MPPED2: variants seen among roughly 807,000 people sequenced by gnomAD.
MPPED2 encodes the protein metallophosphoesterase domain containing 2.
MPPED2 carries 5 observed loss-of-function variants against 33.0 expected under a neutral mutation model. That is an observed-to-expected ratio of 0.15 (90% CI 0.08 to 0.32). MPPED2 has a LOEUF of 0.32. Ranked by LOEUF, MPPED2 falls within the 10% of genes least tolerant of loss-of-function variation. The pLI, the probability that MPPED2 is intolerant of heterozygous loss-of-function variation, is 1.00. For synonymous variants in MPPED2, 136 were observed against 141.9 expected, an observed-to-expected ratio of 0.96 and a Z score of 0.29; for missense variants, 275 against 372.1, an observed-to-expected ratio of 0.74 and a Z score of 2.15.
chr11:30,456,789 T>C (rs955980923), intron 4 of MPPED2, among the ~76,000 whole-genome samples: 2 of 152,168 alleles, frequency 1.3e-5, no homozygotes, highest in Non-Finnish European at 2.9e-5. Context: ...AGTGCCATAA[T>C]GGTTTCATAT....
chr11:30,410,065 T>C, downstream of MPPED2: 1 of 975,304 alleles, frequency 1.0e-6, no homozygotes, highest in Non-Finnish European at 1.2e-6. Context: ...TCTGCCAGCC[T>C]GTGAATGGTG....
chr11:30,479,950 C>G (rs1951405663), intron 4 of MPPED2, among the ~76,000 whole-genome samples: 1 of 152,066 alleles, frequency 6.6e-6, no homozygotes, highest in African/African-American at 2.4e-5. Flanking sequence ...AATTATGTGG[C>G]AAGCTACAGG....
At chr11:30,453,850 G>C (rs1950167515) in intron 4 of MPPED2, among the ~76,000 whole-genome samples, 1 of 152,154 alleles carries the variant, frequency 6.6e-6, no homozygotes, top group African/African-American at 2.4e-5. Flanking sequence ...TCTGAGGCTG[G>C]CTTTGCCCTC....
chr11:30,522,861 C>T (rs1453699050), intron 3 of MPPED2, among the ~76,000 whole-genome samples: 1 of 152,172 alleles, frequency 6.6e-6, no homozygotes, highest in African/African-American at 2.4e-5. Flanking sequence ...CATTTCCTCC[C>T]CCTGCACATA....
intron 3 of MPPED2, among the ~76,000 whole-genome samples, chr11:30,533,328 A>G (rs1954633854): frequency 6.6e-6 from 1 of 152,162 alleles, no homozygotes; most frequent in Non-Finnish European, 1.5e-5. Context: ...TCAGAGACAG[A>G]ATAAAGGAGC....
At chr11:30,397,233 C>A (rs1430807212) in intron 6 of MPPED2, among the ~76,000 whole-genome samples, 2 of 152,128 alleles carry the variant, frequency 1.3e-5, no homozygotes, top group Non-Finnish European at 1.5e-5. Context: ...TTTCTACCTT[C>A]TTTTCCATTT....
intron 2 of MPPED2, among the ~76,000 whole-genome samples, chr11:30,538,978 A>G (rs1565165259): frequency 1.3e-5 from 2 of 152,192 alleles, no homozygotes; most frequent in Admixed American, 6.5e-5. Context: ...AGATGGTACA[A>G]CAAATATCAC....
At chr11:30,547,314 TA>T (rs1313531915) in intron 2 of MPPED2, among the ~76,000 whole-genome samples, 1 of 152,244 alleles carries the variant, frequency 6.6e-6, no homozygotes, top group Non-Finnish European at 1.5e-5. Flanking sequence ...AAACATTTAC[TA>T]AGCAATAACT....
intron 2 of MPPED2, among the ~76,000 whole-genome samples, chr11:30,553,557 AGCAT>A (rs1955824298): frequency 6.6e-6 from 1 of 152,226 alleles, no homozygotes; most frequent in South Asian, 2.1e-4. Context: ...AATACAAAAG[AGCAT>A]TTTTGCACTT....
At chr11:30,523,336 C>G (rs1318284701) in intron 3 of MPPED2, among the ~76,000 whole-genome samples, 1 of 152,032 alleles carries the variant, frequency 6.6e-6, no homozygotes, top group Non-Finnish European at 1.5e-5. Flanking sequence ...TGAAAGTGAT[C>G]TATGGAGTAC....
chr11:30,556,261 G>A (rs189720975), intron 2 of MPPED2, among the ~76,000 whole-genome samples: 4 of 152,240 alleles, frequency 2.6e-5, no homozygotes, highest in African/African-American at 7.2e-5. Flanking sequence ...TACAGACTAA[G>A]GAATGGAGGC....
downstream of MPPED2, among the ~76,000 whole-genome samples, chr11:30,405,642 A>G (rs144585487): frequency 1.3e-4 from 20 of 152,338 alleles, no homozygotes; most frequent in East Asian, 3.9e-3. Flanking sequence ...GAGAAAGTTA[A>G]AGAACTCATT....
intron 2 of MPPED2, among the ~76,000 whole-genome samples, chr11:30,576,887 A>G (rs938305493): frequency 1.3e-5 from 2 of 151,992 alleles, no homozygotes; most frequent in African/African-American, 4.8e-5. Context: ...TTCTAAAAAA[A>G]AAAAACTTCC....
chr11:30,421,033 G>A (rs1387273734), intron 4 of MPPED2, among the ~76,000 whole-genome samples: 2 of 152,138 alleles, frequency 1.3e-5, no homozygotes, highest in Non-Finnish European at 2.9e-5. Context: ...AAGCTTCTGG[G>A]CCTATGGTTC....
chr11:30,459,549 C>T (rs963237556), intron 4 of MPPED2, among the ~76,000 whole-genome samples: 15 of 152,284 alleles, frequency 9.9e-5, no homozygotes, highest in Admixed American at 4.6e-4. Flanking sequence ...GCCATGGTAG[C>T]GCCTTGAGGT....
intron 4 of MPPED2, among the ~76,000 whole-genome samples, chr11:30,457,955 G>A (rs942521329): frequency 6.6e-6 from 1 of 152,136 alleles, no homozygotes; most frequent in African/African-American, 2.4e-5. Context: ...TGCTGCTGCC[G>A]TACCAAATAC....
intron 6 of MPPED2, among the ~76,000 whole-genome samples, chr11:30,400,532 G>A (rs563018895): frequency 1.6e-4 from 25 of 152,322 alleles, no homozygotes; most frequent in Admixed American, 9.8e-4. Flanking sequence ...GCAGATGTCA[G>A]TGTTAATATT....
intron 2 of MPPED2, among the ~76,000 whole-genome samples, chr11:30,540,683 C>T (rs143569830): frequency 8.8e-4 from 134 of 152,188 alleles, no homozygotes; most frequent in African/African-American, 3.0e-3. Context: ...TACACAACAC[C>T]CAGCATATAC....
chr11:30,410,981 T>G lies in MPPED2; in HGVS notation c.*487A>C, dbSNP rs953949114. ...CCATGCCTACTTCTGTTGAGAAGAT[T>G]GCTATAAATTGGGACCACATCTGCA... On this transcript the variant is annotated 3_prime_UTR_variant, in exon 7 of 7. Transcript: ENST00000358117. The G allele has an allele frequency of 1.0e-6, 1 of 985,796 alleles. No homozygotes were observed. Among genetic ancestry groups the G allele is most frequent in the Non-Finnish European group, 1.2e-6 (1 of 829,952 alleles). The allele number at this position is 985,796 out of a possible 1,614,324, so 61.1% of individuals were successfully genotyped here. A position where few individuals can be genotyped will look rare whatever the true frequency, so the allele number is the denominator to read the frequency against.
Sources: gnomAD v4.1 joint callset for allele counts (sites outside exome capture counted in the v4.1 genomes callset) on GRCh38, gnomAD v4.1.1 for gene constraint, MANE v1.5 for transcripts, NCBI Gene and HGNC (gene_info 2026-07-23, HGNC 2026-07-21) for gene names.